The following PACRG variants were observed in gnomAD, a reference collection of about 807,000 sequenced individuals.
PACRG encodes parkin coregulated.
A neutral mutation model predicts 29.7 loss-of-function variants in PACRG; 29 were observed. That is an observed-to-expected ratio of 0.98 (90% confidence interval 0.73 to 1.33). The LOEUF is 1.33. Ranked by LOEUF, PACRG falls within the 40% of genes most tolerant of loss-of-function variation. PACRG has a pLI of 0.00. For synonymous variants in PACRG, 116 were observed against 118.7 expected (o/e 0.98, Z 0.15); for missense variants, 279 against 316.2 (o/e 0.88, Z 0.89).
intron 1 of PACRG, among the ~76,000 whole-genome samples, chr6:162,803,487 G>A (rs775137676): frequency 1.3e-5 from 2 of 152,032 alleles, no homozygotes; most frequent in Admixed American, 6.6e-5. Flanking sequence ...GCACACAGAG[G>A]AATCAACTAG....
At chr6:163,205,743 G>C (rs190898039) in intron 4 of PACRG, among the ~76,000 whole-genome samples, 157 of 152,258 alleles carry the variant, frequency 1.0e-3, no homozygotes, top group African/African-American at 3.7e-3. Context: ...CTTCTGCACA[G>C]CAAAGGAAAC....
At chr6:163,275,988 TTTCCTTCC>T (rs750025768) in intron 4 of PACRG, among the ~76,000 whole-genome samples, 1 of 139,688 alleles carries the variant, frequency 7.2e-6, no homozygotes, top group African/African-American at 2.8e-5. Context: ...TATTATTCTC[TTTCCTTCC>T]TTCCTTCCTT....
chr6:163,304,702 A>C (rs868597835), intron 4 of PACRG, among the ~76,000 whole-genome samples: 4 of 152,290 alleles, frequency 2.6e-5, no homozygotes, highest in Middle Eastern at 3.4e-3. Context: ...GCATATTCCC[A>C]TGGGGAATTT....
intron 3 of PACRG, among the ~76,000 whole-genome samples, chr6:163,085,568 T>A (rs1369333183): frequency 6.6e-6 from 1 of 152,142 alleles, no homozygotes; most frequent in South Asian, 2.1e-4. Flanking sequence ...CTTTCTACTA[T>A]CTCTTGAATC....
At chr6:162,727,681 G>T, upstream of PACRG, 1 of 1,576,266 alleles carries the variant, frequency 6.3e-7, no homozygotes, top group Non-Finnish European at 8.6e-7. Flanking sequence ...TCACTGGGTA[G>T]GTGGCGGCTG....
intron 2 of PACRG, among the ~76,000 whole-genome samples, chr6:163,012,058 G>A (rs192357070): frequency 6.6e-6 from 1 of 152,150 alleles, no homozygotes; most frequent in Non-Finnish European, 1.5e-5. Flanking sequence ...AACACCAGGG[G>A]TAGGAAAAAA....
At chr6:163,041,176 A>C (rs1808667403) in intron 2 of PACRG, among the ~76,000 whole-genome samples, 2 of 152,032 alleles carry the variant, frequency 1.3e-5, no homozygotes, top group Admixed American at 6.6e-5. Context: ...TCTCTACTAA[A>C]AATACAAAAA....
chr6:163,133,881 C>T (rs1255755772), intron 4 of PACRG, among the ~76,000 whole-genome samples: 1 of 152,128 alleles, frequency 6.6e-6, no homozygotes, highest in East Asian at 1.9e-4. Context: ...TGTGCAATTC[C>T]AATTTTAAAC....
At chr6:162,952,317 G>T (rs778450944) in intron 2 of PACRG, among the ~76,000 whole-genome samples, 1 of 152,160 alleles carries the variant, frequency 6.6e-6, no homozygotes, top group Non-Finnish European at 1.5e-5. Flanking sequence ...CCTTTCAGCA[G>T]CTAGGTATTA....
chr6:163,117,864 A>T (rs1816084144), intron 4 of PACRG, among the ~76,000 whole-genome samples: 1 of 152,132 alleles, frequency 6.6e-6, no homozygotes, highest in Non-Finnish European at 1.5e-5. Context: ...AAGATCATGG[A>T]TGTGACAATG....
At chr6:163,260,685 A>C (rs1374674737) in intron 4 of PACRG, among the ~76,000 whole-genome samples, 1 of 152,202 alleles carries the variant, frequency 6.6e-6, no homozygotes, top group African/African-American at 2.4e-5. Context: ...AACAGAAGAC[A>C]ATCCGCTGCC....
At chr6:162,767,339 G>T (rs953791318) in intron 1 of PACRG, among the ~76,000 whole-genome samples, 1 of 151,832 alleles carries the variant, frequency 6.6e-6, no homozygotes, top group African/African-American at 2.4e-5. Context: ...TTTACATAAA[G>T]TTCAGAATCA....
intron 2 of PACRG, among the ~76,000 whole-genome samples, chr6:163,025,325 C>A (rs373536895): frequency 1.1e-4 from 17 of 152,266 alleles, no homozygotes; most frequent in African/African-American, 3.4e-4. Flanking sequence ...TGATTCTATA[C>A]CTACAAAAAT....
At chr6:163,208,419 T>TAA (rs945505339) in intron 4 of PACRG, among the ~76,000 whole-genome samples, 100 of 149,820 alleles carry the variant, frequency 6.7e-4, no homozygotes, top group African/African-American at 1.9e-3. Context: ...TTACTTTTTT[T>TAA]AAAAAAAAAA....
intron 4 of PACRG, among the ~76,000 whole-genome samples, chr6:163,265,280 G>A (rs9295216): frequency 0.62 from 93,511 of 151,838 alleles, 28,904 homozygotes; most frequent in Middle Eastern, 0.69. Flanking sequence ...TCACCTGTGT[G>A]CAGGCCCCTT....
chr6:162,817,037 G>A (rs535650949), intron 2 of PACRG, among the ~76,000 whole-genome samples: 1 of 152,258 alleles, frequency 6.6e-6, no homozygotes, highest in Non-Finnish European at 1.5e-5. Flanking sequence ...GTGGACTTGT[G>A]AGCACCTGAA....
At chr6:162,824,534 C>T (rs1310172298) in intron 2 of PACRG, among the ~76,000 whole-genome samples, 1 of 152,106 alleles carries the variant, frequency 6.6e-6, no homozygotes, top group Non-Finnish European at 1.5e-5. Flanking sequence ...TTTTCTGTAT[C>T]TTCATAGATA....
intron 4 of PACRG, among the ~76,000 whole-genome samples, chr6:163,197,137 G>GA (rs139892146): frequency 1.3e-5 from 2 of 151,882 alleles, no homozygotes; most frequent in South Asian, 2.1e-4. Flanking sequence ...TTTCTGCCAG[G>GA]AAAAAATACA....
At chr6:162,911,167 C>G (rs767573033) in intron 2 of PACRG, among the ~76,000 whole-genome samples, 7 of 152,190 alleles carry the variant, frequency 4.6e-5, no homozygotes, top group African/African-American at 9.6e-5. Flanking sequence ...TTTAAGCAAA[C>G]AGCTTCATTT....
Sources: gnomAD v4.1 joint callset for allele counts (sites outside exome capture counted in the v4.1 genomes callset) on GRCh38, gnomAD v4.1.1 for gene constraint, MANE v1.5 for transcripts, NCBI Gene and HGNC (gene_info 2026-07-23, HGNC 2026-07-21) for gene names.